Variants in FRMD3 observed in about 807,000 individuals in gnomAD.
FRMD3 encodes FERM domain containing 3.
A neutral mutation model predicts 70.2 loss-of-function variants in FRMD3; 33 were observed. The observed-to-expected ratio is 0.47, with a 90% CI of 0.36 to 0.63. FRMD3 has a LOEUF of 0.63. Among genes scored for constraint, FRMD3 ranks in the 20% least tolerant of loss-of-function variants. The pLI is 0.00. For synonymous variants in FRMD3, 279 were observed against 255.9 expected (o/e 1.09, Z -0.86); for missense variants, 632 against 711.4 (o/e 0.89, Z 1.27).
intron 13 of FRMD3, among the ~76,000 whole-genome samples, chr9:83,275,481 A>G (rs1457872505): frequency 6.6e-6 from 1 of 152,184 alleles, no homozygotes; most frequent in Admixed American, 6.5e-5. Flanking sequence ...TCATTGCTCC[A>G]AGGCAGAAAG....
At chr9:83,296,625 G>T (rs1370617971) in intron 12 of FRMD3, among the ~76,000 whole-genome samples, 1 of 152,174 alleles carries the variant, frequency 6.6e-6, no homozygotes, top group African/African-American at 2.4e-5. Flanking sequence ...TGCCCAGGGG[G>T]AGGTGGAACA....
intron 1 of FRMD3, among the ~76,000 whole-genome samples, chr9:83,527,054 G>A (rs991962432): frequency 6.6e-6 from 1 of 152,066 alleles, no homozygotes; most frequent in Non-Finnish European, 1.5e-5. Flanking sequence ...AAGAACAGCT[G>A]GGGCCCCTAT....
chr9:83,347,529 T>G (rs1470750736), intron 4 of FRMD3, among the ~76,000 whole-genome samples: 2 of 152,186 alleles, frequency 1.3e-5, no homozygotes, highest in African/African-American at 4.8e-5. Context: ...GCCCCAGAAA[T>G]CTAAAGGATT....
chr9:83,365,531 G>A (rs12550900), intron 3 of FRMD3, among the ~76,000 whole-genome samples: 10,708 of 152,068 alleles, frequency 0.07, 434 homozygotes, highest in East Asian at 0.14. Flanking sequence ...AAAGGCATTC[G>A]TTGTGCATAG....
chr9:83,443,685 T>C (rs1191100155), intron 1 of FRMD3, among the ~76,000 whole-genome samples: 1 of 152,220 alleles, frequency 6.6e-6, no homozygotes, highest in African/African-American at 2.4e-5. Context: ...CAGATGGTAT[T>C]TCTAGTTCCA....
At chr9:83,260,864 TAA>T (rs751391567) in intron 13 of FRMD3, among the ~76,000 whole-genome samples, 2 of 152,142 alleles carry the variant, frequency 1.3e-5, no homozygotes, top group Non-Finnish European at 2.9e-5. Flanking sequence ...TTTTGGAGGA[TAA>T]AGTTTAATAC....
chr9:83,359,558 A>G (rs929730001), intron 3 of FRMD3, among the ~76,000 whole-genome samples: 2 of 152,172 alleles, frequency 1.3e-5, no homozygotes, highest in African/African-American at 2.4e-5. Context: ...TTCTGTCTCA[A>G]CGACTCCACC....
intron 6 of FRMD3, among the ~76,000 whole-genome samples, chr9:83,333,044 C>A (rs1443325819): frequency 6.6e-6 from 1 of 152,150 alleles, no homozygotes; most frequent in Non-Finnish European, 1.5e-5. Context: ...ACCTTCAGTC[C>A]CTGTAGCAGG....
chr9:83,267,840 G>T (rs1563983855), intron 13 of FRMD3, among the ~76,000 whole-genome samples: 1 of 152,170 alleles, frequency 6.6e-6, no homozygotes, highest in Non-Finnish European at 1.5e-5. Context: ...ATTCGAACCA[G>T]CTCCATTTCA....
At chr9:83,382,427 TA>T (rs1327003835) in intron 2 of FRMD3, among the ~76,000 whole-genome samples, 2 of 152,148 alleles carry the variant, frequency 1.3e-5, no homozygotes, top group Admixed American at 1.3e-4. Flanking sequence ...TTAATTCATT[TA>T]AAAAAATTAT....
chr9:83,299,328 A>C (rs1359168), intron 10 of FRMD3, 142 bp from the exon 11 acceptor site: 331,583 of 582,874 alleles, frequency 0.57, 99,029 homozygotes, highest in South Asian at 0.65. Flanking sequence ...TGTGCACACA[A>C]AATATAAGAA....
At chr9:83,312,193 C>T (rs1051910743) in intron 7 of FRMD3, among the ~76,000 whole-genome samples, 9 of 152,082 alleles carry the variant, frequency 5.9e-5, no homozygotes, top group African/African-American at 1.4e-4. Context: ...CTTTGAGGAG[C>T]GGACCTTCTG....
intron 4 of FRMD3, among the ~76,000 whole-genome samples, chr9:83,345,028 G>T (rs528897577): frequency 1.3e-5 from 2 of 152,122 alleles, no homozygotes; most frequent in African/African-American, 2.4e-5. Flanking sequence ...TCACAGGGAC[G>T]CTGTCAACCC....
chr9:83,311,494 C>T (rs1307340517), intron 8 of FRMD3, among the ~76,000 whole-genome samples: 6 of 152,094 alleles, frequency 3.9e-5, no homozygotes, highest in Non-Finnish European at 5.9e-5. Context: ...TGAGTTTGCA[C>T]CCAGGACTCA....
chr9:83,541,090 G>A (rs542175064), upstream of FRMD3, among the ~76,000 whole-genome samples: 55 of 152,160 alleles, frequency 3.6e-4, no homozygotes, highest in Middle Eastern at 6.8e-3. Flanking sequence ...GATCCTCTTC[G>A]GAACTCACTT....
chr9:83,243,630 G>C (rs1312237487), downstream of FRMD3, among the ~76,000 whole-genome samples: 1 of 152,124 alleles, frequency 6.6e-6, no homozygotes, highest in Non-Finnish European at 1.5e-5. Context: ...CTATAGGTCC[G>C]TAAGCTTCCT....
Position 83,246,086 on chromosome 9 carries a change from A to G in FRMD3, c.*1832T>C. 1.0e-6 allele frequency: 1 copy of G among 985,410 alleles called. No homozygotes were observed. The highest frequency in any genetic ancestry group is 1.2e-6 in the Non-Finnish European group (1 of 829,934). 61.0% of individuals were successfully genotyped at this position (985,410 alleles called of 1,614,324 possible). On this transcript the variant is annotated 3_prime_UTR_variant, in exon 14 of 14. Transcript: ENST00000304195. Reference sequence around the variant, plus strand: ...CTGAGTTTCAAAACTCATTTCCAAAATTAAATGTCCAGTGAAGTACTCAGA... The same window carrying G: ...CTGAGTTTCAAAACTCATTTCCAAAGTTAAATGTCCAGTGAAGTACTCAGA...
At chr9:83,539,870 A>G (rs981130238), upstream of FRMD3, among the ~76,000 whole-genome samples, 2 of 152,190 alleles carry the variant, frequency 1.3e-5, no homozygotes, top group African/African-American at 4.8e-5. Flanking sequence ...TTGCTTATGA[A>G]TATTTAGATG....
chr9:83,295,105 T>C (rs918926339), intron 12 of FRMD3, among the ~76,000 whole-genome samples: 4 of 152,214 alleles, frequency 2.6e-5, no homozygotes, highest in Admixed American at 6.5e-5. Context: ...CCAAATGAAG[T>C]TGTCATTAAG....
Sources: allele counts gnomAD v4.1 joint callset (sites outside exome capture counted in the v4.1 genomes callset), GRCh38; gene constraint gnomAD v4.1.1; transcripts MANE v1.5; gene names NCBI Gene and HGNC (gene_info 2026-07-23, HGNC 2026-07-21).